The following SFMBT2 variants were observed in gnomAD, a reference collection of about 807,000 sequenced individuals.
SFMBT2 encodes Scm like with four mbt domains 2.
In SFMBT2, 38 loss-of-function variants were observed where a neutral mutation model predicts 110.1. The ratio of observed to expected loss-of-function variants is 0.35; its 90% confidence interval spans 0.27 to 0.45. The LOEUF (loss-of-function observed/expected upper bound fraction) is 0.45. Ranked by LOEUF, SFMBT2 falls within the 20% of genes least tolerant of loss-of-function variation. SFMBT2 has a pLI of 1.00. For missense variants in SFMBT2, 1,011 were observed against 1,094.9 expected, an observed-to-expected ratio of 0.92 and a Z score of 1.08; for synonymous variants, 425 against 425.4, an observed-to-expected ratio of 1.00 and a Z score of 0.01.
At chr10:7,318,160 A>G (rs950306909) in intron 4 of SFMBT2, among the ~76,000 whole-genome samples, 6 of 152,214 alleles carry the variant, frequency 3.9e-5, no homozygotes, top group Non-Finnish European at 7.3e-5. Context: ...GAAAGTGGCA[A>G]ATTCATGGGG....
At chr10:7,362,151 A>G (rs1406736936) in intron 4 of SFMBT2, among the ~76,000 whole-genome samples, 2 of 152,174 alleles carry the variant, frequency 1.3e-5, no homozygotes, top group African/African-American at 2.4e-5. Flanking sequence ...TGACGCTTTA[A>G]TGTCATATGT....
chr10:7,272,493 T>C (rs1010677275), intron 7 of SFMBT2, among the ~76,000 whole-genome samples: 1 of 152,058 alleles, frequency 6.6e-6, no homozygotes, highest in African/African-American at 2.4e-5. Context: ...GCTTAAGATA[T>C]AAGCATGGGG....
chr10:7,281,600 C>T (rs919260537), intron 6 of SFMBT2, among the ~76,000 whole-genome samples: 1 of 152,202 alleles, frequency 6.6e-6, no homozygotes, highest in Non-Finnish European at 1.5e-5. Context: ...ATACAAAGTA[C>T]TAGAATCTGT....
chr10:7,275,593 C>T (rs1027842041), intron 7 of SFMBT2, among the ~76,000 whole-genome samples: 4 of 152,132 alleles, frequency 2.6e-5, no homozygotes, highest in East Asian at 3.9e-4. Flanking sequence ...GCTTCACTGT[C>T]GGTCAATATC....
chr10:7,290,867 C>T (rs1279895711), intron 4 of SFMBT2, among the ~76,000 whole-genome samples: 2 of 152,124 alleles, frequency 1.3e-5, no homozygotes, highest in Non-Finnish European at 2.9e-5. Flanking sequence ...AAGCTATCTA[C>T]AAATTGAGTC....
chr10:7,171,387 G>C lies in SFMBT2; in HGVS notation c.2416-331C>G. 1 of 985,392 alleles carries C rather than the reference G, an allele frequency of 1.0e-6. No individual in the cohort carries two copies. Among genetic ancestry groups the C allele is most frequent in the Non-Finnish European group, 1.2e-6 (1 of 829,890 alleles). 61.0% of individuals were successfully genotyped at this position (985,392 alleles called of 1,614,324 possible). A position where few individuals can be genotyped will look rare whatever the true frequency, so the allele number is the denominator to read the frequency against. ...AAAAGAGGAGAAATACAAGGGGCACGTCCAAGCAGACACGAGACAGTGTCC... is the reference window on the plus strand; with the variant it reads ...AAAAGAGGAGAAATACAAGGGGCACCTCCAAGCAGACACGAGACAGTGTCC... On this transcript the variant is annotated intron_variant, in intron 19 of 20. Transcript: ENST00000397167. The surrounding 1 kb of genome is among the most constrained non-coding windows in gnomAD (Gnocchi z 4.9).
At chr10:7,200,131 C>T (rs1169649168) in intron 14 of SFMBT2, among the ~76,000 whole-genome samples, 1 of 152,164 alleles carries the variant, frequency 6.6e-6, no homozygotes, top group African/African-American at 2.4e-5. Context: ...TGATATGCAG[C>T]CCTAATTTGG....
chr10:7,320,159 T>C (rs906633125), intron 4 of SFMBT2, among the ~76,000 whole-genome samples: 1 of 152,228 alleles, frequency 6.6e-6, no homozygotes, highest in Non-Finnish European at 1.5e-5. Flanking sequence ...GATGCATGGC[T>C]CATTACTTTA....
rs563680585 is a variant in SFMBT2 at position 7,227,778 on chromosome 10, A to G, written c.1203+77T>C. ...GTAATACTCCAACCGTGCTTCATCA[A>G]TAAAAAGCAAGTTATAAAACTTACG... On this transcript the variant is annotated intron_variant, in intron 10 of 20. Coordinates refer to ENST00000397167, the MANE Select transcript of SFMBT2 (RefSeq NM_001387889.1). 45 of 1,321,474 alleles carry G rather than the reference A, an allele frequency of 3.4e-5. No individual in the cohort carries two copies. In the African/African-American group the frequency reaches 6.3e-4, roughly 19 times the overall value. The allele number at this position is 1,321,474 out of a possible 1,614,324, so 81.9% of individuals were successfully genotyped here. A position where few individuals can be genotyped will look rare whatever the true frequency, so the allele number is the denominator to read the frequency against.
rs1844935434 is a variant in SFMBT2 at position 7,367,182 on chromosome 10, G to C, written c.436+467C>G. On this transcript the variant is annotated intron_variant, in intron 4 of 20. Transcript: ENST00000397167. This position sits in a 1 kb window ranked among gnomAD's most constrained non-coding sequence, Gnocchi z 6.2. ...AGACAGATGAAAAGTTATTAGAGAA[G>C]CCTGCTTAAGACACTCTGTTACTGT... Among the ~76,000 whole-genome samples, 1 of 151,890 alleles carries C rather than the reference G, an allele frequency of 6.6e-6. No individual in the cohort carries two copies. Among genetic ancestry groups the C allele is most frequent in the African/African-American group, 2.4e-5 (1 of 41,348 alleles).
At chr10:7,166,811 A>G (rs1001578073) in intron 20 of SFMBT2, among the ~76,000 whole-genome samples, 7 of 152,226 alleles carry the variant, frequency 4.6e-5, no homozygotes, top group Non-Finnish European at 1.0e-4. Flanking sequence ...GAATTCCAGG[A>G]AACTGGGGAG....
chr10:7,169,255 C>G (rs1327537185), intron 20 of SFMBT2, among the ~76,000 whole-genome samples: 1 of 152,236 alleles, frequency 6.6e-6, no homozygotes, highest in Non-Finnish European at 1.5e-5. Context: ...CATAAGCCGC[C>G]ATGGCCGGCC....
At chr10:7,306,216 C>A (rs994344433) in intron 4 of SFMBT2, among the ~76,000 whole-genome samples, 2 of 152,220 alleles carry the variant, frequency 1.3e-5, no homozygotes, top group African/African-American at 4.8e-5. Context: ...GAGTGCTCTC[C>A]GGCAGGCTTC....
intron 7 of SFMBT2, among the ~76,000 whole-genome samples, chr10:7,265,952 T>G (rs1429377378): frequency 6.6e-6 from 1 of 152,180 alleles, no homozygotes; most frequent in African/African-American, 2.4e-5. Flanking sequence ...TGCAAAAAAC[T>G]ATTTAAATTA....
chr10:7,395,842 T>C (rs565005125), intron 1 of SFMBT2, among the ~76,000 whole-genome samples: 2 of 152,306 alleles, frequency 1.3e-5, no homozygotes, highest in African/African-American at 4.8e-5. Flanking sequence ...AGACGTTATG[T>C]TTCTCTCTGT....
At chr10:7,392,167 G>A (rs1470412007) in intron 1 of SFMBT2, among the ~76,000 whole-genome samples, 1 of 152,182 alleles carries the variant, frequency 6.6e-6, no homozygotes, top group East Asian at 1.9e-4. Flanking sequence ...TTTACTAGCA[G>A]GGCAGGAGAA....
rs142266249 is a variant in SFMBT2 at position 7,339,253 on chromosome 10, A to G, written c.436+28396T>C. On this transcript the variant is annotated intron_variant, in intron 4 of 20. Transcript: ENST00000397167. ...AGACTCCATCTCGATGAATAAATAAATAAATGAATAAATAAATAAATATTG... is the reference window on the plus strand; with the variant it reads ...AGACTCCATCTCGATGAATAAATAAGTAAATGAATAAATAAATAAATATTG... Among the ~76,000 whole-genome samples, 284 of 152,326 alleles carry G rather than the reference A, an allele frequency of 1.9e-3. 2 individuals are homozygous for G. The highest frequency in any genetic ancestry group is 6.5e-3 in the African/African-American group (270 of 41,578).
chr10:7,252,020 AC>A (rs1366236695), intron 7 of SFMBT2, among the ~76,000 whole-genome samples: 1 of 151,834 alleles, frequency 6.6e-6, no homozygotes, highest in East Asian at 1.9e-4. Context: ...GTTCCACAAA[AC>A]GCTTGCTCCA....
intron 2 of SFMBT2, among the ~76,000 whole-genome samples, chr10:7,378,537 T>G (rs532109824): frequency 0.018 from 407 of 22,732 alleles, 96 homozygotes; most frequent in African/African-American, 0.072. Flanking sequence ...TATGAGTGTG[T>G]GGGGGGGTGT....
Sources: gnomAD v4.1 joint callset for allele counts (sites outside exome capture counted in the v4.1 genomes callset) on GRCh38, gnomAD v4.1.1 for gene constraint, Gnocchi (gnomAD v3.1) non-coding constraint, MANE v1.5 for transcripts, NCBI Gene and HGNC (gene_info 2026-07-23, HGNC 2026-07-21) for gene names.